Variants in SNAP25 observed in about 807,000 individuals in gnomAD.
SNAP25 encodes synaptosomal-associated protein 25.
In SNAP25, 3 loss-of-function variants were observed where a neutral mutation model predicts 28.7. The ratio of observed to expected loss-of-function variants is 0.10; its 90% CI spans 0.05 to 0.27. SNAP25 has a LOEUF of 0.27. Ranked by LOEUF, SNAP25 falls within the 10% of genes least tolerant of loss-of-function variation. The pLI is 1.00. For synonymous variants in SNAP25, 61 were observed against 88.1 expected (o/e 0.69, Z 1.72); for missense variants, 117 against 278.7 (o/e 0.42, Z 4.13).
intron 1 of SNAP25, among the ~76,000 whole-genome samples, chr20:10,272,273 A>G (rs80315298): frequency 2.0e-5 from 3 of 152,290 alleles, no homozygotes; most frequent in Admixed American, 6.5e-5. Flanking sequence ...CAACCCCATG[A>G]GATTGGCATT....
chr20:10,282,754 A>T (rs1600750110), intron 3 of SNAP25, among the ~76,000 whole-genome samples: 1 of 152,214 alleles, frequency 6.6e-6, no homozygotes, highest in Non-Finnish European at 1.5e-5. Context: ...CCTCAGCAGA[A>T]CCTGCATTGT....
intron 1 of SNAP25, among the ~76,000 whole-genome samples, chr20:10,254,763 C>A (rs964179095): frequency 1.3e-5 from 2 of 152,156 alleles, no homozygotes; most frequent in Admixed American, 6.5e-5. Context: ...AAAAACAGTT[C>A]CCCCAGGGCA....
intron 3 of SNAP25, among the ~76,000 whole-genome samples, chr20:10,283,332 A>G (rs1169000411): frequency 1.3e-5 from 2 of 152,210 alleles, no homozygotes; most frequent in Non-Finnish European, 2.9e-5. Context: ...CAGTCAGGAC[A>G]CTTGCCTGAG....
chr20:10,301,654 C>A (rs986930197), intron 7 of SNAP25, among the ~76,000 whole-genome samples: 3 of 151,684 alleles, frequency 2.0e-5, no homozygotes, highest in East Asian at 3.9e-4. Context: ...CTCTCATGAC[C>A]CCAACAGCAA....
At chr20:10,295,970 A>T (rs2064099764) in intron 5 of SNAP25, among the ~76,000 whole-genome samples, 1 of 152,146 alleles carries the variant, frequency 6.6e-6, no homozygotes. Context: ...AGGAGTTTGT[A>T]AGCACTCTCT....
intron 1 of SNAP25, among the ~76,000 whole-genome samples, chr20:10,230,459 T>C (rs1230258592): frequency 6.6e-6 from 1 of 152,168 alleles, no homozygotes; most frequent in African/African-American, 2.4e-5. Context: ...AATCAATGAT[T>C]CATTACTCTA....
chr20:10,223,100 T>C (rs755169645), intron 1 of SNAP25, among the ~76,000 whole-genome samples: 4 of 152,184 alleles, frequency 2.6e-5, no homozygotes, highest in Non-Finnish European at 5.9e-5. Context: ...CAGCATGACA[T>C]ATAGGACCAG....
At chr20:10,263,192 T>G (rs1221946792) in intron 1 of SNAP25, among the ~76,000 whole-genome samples, 1 of 151,894 alleles carries the variant, frequency 6.6e-6, no homozygotes, top group Non-Finnish European at 1.5e-5. Flanking sequence ...CTAATTTTTT[T>G]GTATTTTTGG....
intron 1 of SNAP25, among the ~76,000 whole-genome samples, chr20:10,233,386 T>C (rs184140495): frequency 1.3e-5 from 2 of 149,270 alleles, no homozygotes; most frequent in East Asian, 3.9e-4. Flanking sequence ...GGAAAAGATA[T>C]GAATGTGATT....
At chr20:10,244,322 A>ATT (rs2063089551) in intron 1 of SNAP25, among the ~76,000 whole-genome samples, 1 of 152,220 alleles carries the variant, frequency 6.6e-6, no homozygotes, top group Non-Finnish European at 1.5e-5. Context: ...AGAGAGACAT[A>ATT]TTATAAAACT....
At chr20:10,222,648 G>T (rs2062655108) in intron 1 of SNAP25, among the ~76,000 whole-genome samples, 1 of 152,156 alleles carries the variant, frequency 6.6e-6, no homozygotes, top group African/African-American at 2.4e-5. Context: ...ATATAACAAA[G>T]TAACCAGGTC....
intron 3 of SNAP25, 72 bp downstream of exon 3, chr20:10,277,798 G>T: frequency 1.4e-6 from 2 of 1,404,830 alleles, no homozygotes; most frequent in Middle Eastern, 3.5e-4. Context: ...TAGTTGCTAT[G>T]ATGTTTCCTT....
At chr20:10,249,337 GA>G (rs1433663279) in intron 1 of SNAP25, among the ~76,000 whole-genome samples, 7 of 152,152 alleles carry the variant, frequency 4.6e-5, no homozygotes, top group Admixed American at 3.9e-4. Context: ...TCCACATGCT[GA>G]TACTGAAGTG....
Position 10,293,353 on chromosome 20 carries a change from C to G in SNAP25, c.281+75C>G, listed in dbSNP as rs1016008407. 3 of 1,132,946 alleles carry G rather than the reference C, an allele frequency of 2.6e-6. No individual in the cohort carries two copies. The highest frequency in any genetic ancestry group is 2.7e-6 in the Non-Finnish European group (2 of 746,580). 70.2% of individuals were successfully genotyped at this position (1,132,946 alleles called of 1,614,324 possible). ...CAAGCCTTGACAAGCTCATTCCTGC[C>G]AAGCTCATAGGCAGGATGAGCATGT... On this transcript the variant is annotated intron_variant, in intron 5 of 7. Coordinates refer to ENST00000254976, the MANE Select transcript of SNAP25 (RefSeq NM_130811.4). The surrounding 1 kb of genome is among the most constrained non-coding windows in gnomAD (Gnocchi z 5.6).
chr20:10,241,659 G>A (rs185963754), intron 1 of SNAP25, among the ~76,000 whole-genome samples: 6 of 152,176 alleles, frequency 3.9e-5, no homozygotes, highest in Admixed American at 3.3e-4. Flanking sequence ...TGACAAGAAC[G>A]GCCAATCATG....
At chr20:10,230,973 G>C (rs1332705951) in intron 1 of SNAP25, among the ~76,000 whole-genome samples, 1 of 152,142 alleles carries the variant, frequency 6.6e-6, no homozygotes, top group Non-Finnish European at 1.5e-5. Context: ...CCAGCCCCCA[G>C]AATCTTGTCT....
At chr20:10,251,746 G>A (rs185417518) in intron 1 of SNAP25, among the ~76,000 whole-genome samples, 7 of 152,070 alleles carry the variant, frequency 4.6e-5, no homozygotes, top group Admixed American at 6.5e-5. Context: ...TGTTTTCATC[G>A]TATATCCCCT....
chr20:10,246,613 T>C (rs942134107), intron 1 of SNAP25, among the ~76,000 whole-genome samples: 1 of 152,132 alleles, frequency 6.6e-6, no homozygotes, highest in African/African-American at 2.4e-5. Context: ...ACATGCTTGC[T>C]AAAAAACTCA....
At chr20:10,302,455 T>C (rs6039823) in intron 7 of SNAP25, among the ~76,000 whole-genome samples, 6,490 of 152,190 alleles carry the variant, frequency 0.043, 413 homozygotes, top group African/African-American at 0.14. Context: ...TGTTCAAACC[T>C]AGGATCAGAA....
Sources: allele counts gnomAD v4.1 joint callset (sites outside exome capture counted in the v4.1 genomes callset), GRCh38; gene constraint gnomAD v4.1.1; non-coding constraint Gnocchi (gnomAD v3.1); transcripts MANE v1.5; gene names NCBI Gene and HGNC (gene_info 2026-07-23, HGNC 2026-07-21).